GOLIM4: variants seen among roughly 807,000 people sequenced by gnomAD.
GOLIM4 encodes golgi integral membrane protein 4.
A neutral mutation model predicts 107.4 loss-of-function variants in GOLIM4; 71 were observed. The observed-to-expected ratio is 0.66, with a 90% CI of 0.55 to 0.81. GOLIM4 has a LOEUF of 0.81. Among genes scored for constraint, GOLIM4 ranks in the 30% least tolerant of loss-of-function variants. The pLI, the probability that GOLIM4 is intolerant of heterozygous loss-of-function variation, is 0.00. For synonymous variants in GOLIM4, 327 were observed against 294.8 expected (o/e 1.11, Z -1.12); for missense variants, 830 against 826.1 (o/e 1.00, Z -0.06).
At position 168,009,426 on chromosome 3, in the gene GOLIM4, C is replaced by CAAAAAAAAAAAA. The variant is rs1553791594; in HGVS notation, c.*842_*843insTTTTTTTTTTTT. ...AAACAAGAATATCAATCAATGGCTT[C>CAAAAAAAAAAAA]AAACAAAAAAAAAAAAAAAAAATTG... is the stretch of plus-strand genomic sequence containing the variant. On this transcript the variant is annotated 3_prime_UTR_variant, in exon 16 of 16. Coordinates refer to ENST00000470487, the MANE Select transcript of GOLIM4 (RefSeq NM_014498.5). The CAAAAAAAAAAAA allele has an allele frequency of 1.1e-4, 1 of 8,744 alleles. No homozygotes were observed. Among genetic ancestry groups the CAAAAAAAAAAAA allele is most frequent in the Non-Finnish European group, 8.1e-4 (1 of 1,232 alleles). The allele number at this position is 8,744 out of a possible 1,614,324, so 0.5% of individuals were successfully genotyped here.
intron 1 of GOLIM4, among the ~76,000 whole-genome samples, chr3:168,049,692 C>T (rs981541902): frequency 3.3e-5 from 5 of 152,152 alleles, no homozygotes; most frequent in South Asian, 2.1e-4. Flanking sequence ...ATCAGGGTCC[C>T]AGAAAACTCC....
Position 168,029,880 on chromosome 3 carries a change from G to C in GOLIM4, c.1333C>G (p.Arg445Gly). ...HQQRLQGHLL[R>G]QQEQQQQQVA... ...TGCTGCTGCTGCTGTTCCTGCTGCC[G>C]TAGTAAGTGCCCCTGCAGCCTCTGC... The change falls in exon 10 of 16, where the codon CGG (arginine) becomes GGG (glycine). Residue 445 changes from arginine (R) to glycine (G), a missense_variant. Arg to Gly is a moderately radical substitution (Grantham distance 125, BLOSUM62 -2). Transcript: ENST00000470487. The C allele has an allele frequency of 6.2e-7, 1 of 1,614,108 alleles. No homozygotes were observed. The highest frequency in any genetic ancestry group is 1.1e-5 in the South Asian group (1 of 91,078).
intron 1 of GOLIM4, among the ~76,000 whole-genome samples, chr3:168,078,494 A>T (rs899402128): frequency 6.6e-6 from 1 of 152,182 alleles, no homozygotes; most frequent in African/African-American, 2.4e-5. Flanking sequence ...CAGCTAGCAC[A>T]TCAGAATTTA....
intron 1 of GOLIM4, among the ~76,000 whole-genome samples, chr3:168,068,774 T>C (rs1214110738): frequency 6.6e-6 from 1 of 151,978 alleles, no homozygotes; most frequent in Non-Finnish European, 1.5e-5. Context: ...CCTTTGTCAA[T>C]TGTGAATGCC....
intron 14 of GOLIM4, among the ~76,000 whole-genome samples, chr3:168,020,321 C>T (rs933671081): frequency 1.3e-5 from 2 of 152,182 alleles, no homozygotes; most frequent in Admixed American, 6.5e-5. Flanking sequence ...GAGTTTCAGA[C>T]TTCCCAGATG....
chr3:168,059,809 A>G (rs984164013), intron 1 of GOLIM4, among the ~76,000 whole-genome samples: 1 of 152,166 alleles, frequency 6.6e-6, no homozygotes, highest in Non-Finnish European at 1.5e-5. Context: ...ACTGAGAAGG[A>G]TATTTCAGTG....
At chr3:168,043,643 A>C (rs1719147822) in intron 4 of GOLIM4, 114 bp from the exon 5 acceptor site, 1 of 730,886 alleles carries the variant, frequency 1.4e-6, no homozygotes, top group Admixed American at 2.9e-5. Flanking sequence ...CAAACACATG[A>C]AGAAATAGGC....
intron 1 of GOLIM4, among the ~76,000 whole-genome samples, chr3:168,084,801 T>C (rs1015845144): frequency 2.0e-5 from 3 of 152,142 alleles, no homozygotes; most frequent in African/African-American, 7.2e-5. Context: ...ACACTCTACA[T>C]AGAATTTTGG....
At position 168,027,830 on chromosome 3, in the gene GOLIM4, T is replaced by C; in HGVS notation, c.1521A>G (p.Glu507=). 1 of 1,601,360 alleles carries C rather than the reference T, an allele frequency of 6.2e-7. No individual in the cohort carries two copies. Among genetic ancestry groups the C allele is most frequent in the Middle Eastern group, 1.7e-4 (1 of 6,030 alleles). ...CTTCATCTTGGTGCTGGTTGTCTCT[T>C]TCATAGGCTAGCAAATCAAAGGAAC... The part of the protein sequence containing the change: ...QGIQGEEGAY[E]RDNQHQDEAE... The change falls in exon 12 of 16, where the codon GAA becomes GAG. Residue 507 remains glutamate, a synonymous_variant. Coordinates refer to ENST00000470487, the MANE Select transcript of GOLIM4 (RefSeq NM_014498.5).
chr3:168,046,846 G>T, intron 3 of GOLIM4, 104 bp downstream of exon 3: 1 of 570,806 alleles, frequency 1.8e-6, no homozygotes, highest in Non-Finnish European at 2.9e-6. Flanking sequence ...TAATCCCAGG[G>T]ATCAAAAAGT....
intron 4 of GOLIM4, among the ~76,000 whole-genome samples, chr3:168,044,289 A>T (rs1374947348): frequency 6.6e-6 from 1 of 152,218 alleles, no homozygotes; most frequent in Non-Finnish European, 1.5e-5. Context: ...AGAAGGGCAT[A>T]ACTGCATGCT....
At chr3:168,079,759 A>T (rs1410785168) in intron 1 of GOLIM4, among the ~76,000 whole-genome samples, 1 of 152,144 alleles carries the variant, frequency 6.6e-6, no homozygotes, top group Non-Finnish European at 1.5e-5. Flanking sequence ...TATTAAATGT[A>T]ATAGTAATTT....
At chr3:168,093,177 A>T (rs1721994231) in intron 1 of GOLIM4, among the ~76,000 whole-genome samples, 1 of 152,214 alleles carries the variant, frequency 6.6e-6, no homozygotes, top group Non-Finnish European at 1.5e-5. Context: ...TTCAGAAATT[A>T]GGGCCTCAGT....
chr3:168,046,523 C>T (rs901311334), intron 3 of GOLIM4, among the ~76,000 whole-genome samples: 26 of 152,132 alleles, frequency 1.7e-4, no homozygotes, highest in African/African-American at 6.0e-4. Context: ...ATGCTGCCTT[C>T]AAGTAAAATA....
chr3:168,052,274 G>A (rs576804459), intron 1 of GOLIM4, among the ~76,000 whole-genome samples: 33 of 152,058 alleles, frequency 2.2e-4, no homozygotes, highest in South Asian at 1.0e-3. Context: ...AAAATCAGGC[G>A]ATCTCCCCTG....
At position 168,010,242 on chromosome 3, in the gene GOLIM4, T is replaced by C; in HGVS notation, c.*27A>G. On this transcript the variant is annotated 3_prime_UTR_variant, in exon 16 of 16. Coordinates refer to ENST00000470487, the MANE Select transcript of GOLIM4 (RefSeq NM_014498.5). ...AGCAGCTTGAAAAGAATCCGTTGGC[T>C]GAGCGTTGTCTAGAAATTGGGTGCC... 1 of 1,601,286 alleles carries C rather than the reference T, an allele frequency of 6.2e-7. No individual in the cohort carries two copies. The highest frequency in any genetic ancestry group is 8.5e-7 in the Non-Finnish European group (1 of 1,173,794).
intron 3 of GOLIM4, 115 bp from the exon 4 acceptor site, chr3:168,044,996 G>T: frequency 1.7e-6 from 1 of 577,196 alleles, no homozygotes; most frequent in South Asian, 2.7e-5. Context: ...ACAGTAAAAT[G>T]AATTCTACAT....
intron 1 of GOLIM4, among the ~76,000 whole-genome samples, chr3:168,070,767 T>C (rs6791140): frequency 0.064 from 9,774 of 152,256 alleles, 1,016 homozygotes; most frequent in African/African-American, 0.22. Context: ...GGGTTGTTGC[T>C]TTTTAGCTTG....
chr3:168,013,682 C>T (rs1479960608), intron 14 of GOLIM4, among the ~76,000 whole-genome samples: 2 of 151,754 alleles, frequency 1.3e-5, no homozygotes, highest in African/African-American at 4.9e-5. Flanking sequence ...GAAATTATAA[C>T]AAACTTCTCT....
Sources: allele counts gnomAD v4.1 joint callset (sites outside exome capture counted in the v4.1 genomes callset), GRCh38; gene constraint gnomAD v4.1.1; transcripts MANE v1.5; gene names NCBI Gene and HGNC (gene_info 2026-07-23, HGNC 2026-07-21).